UBR2: variants seen among roughly 807,000 people sequenced by gnomAD.
UBR2 encodes the protein ubiquitin protein ligase E3 component n-recognin 2.
UBR2 carries 92 observed loss-of-function variants against 247.9 expected under a neutral mutation model. The ratio of observed to expected loss-of-function variants is 0.37; its 90% CI spans 0.31 to 0.44. UBR2 has a LOEUF of 0.44. UBR2 is among the 20% of genes least tolerant of loss of function. The probability of loss-of-function intolerance (pLI) is 1.00; values close to 1 mark genes in which losing one functional copy is unlikely to be tolerated. For missense variants in UBR2, 1,613 were observed against 2,112.6 expected, an observed-to-expected ratio of 0.76 and a Z score of 4.64; for synonymous variants, 672 against 693.5, an observed-to-expected ratio of 0.97 and a Z score of 0.49.
chr6:42,631,169 G>A (rs970435403), intron 11 of UBR2, among the ~76,000 whole-genome samples: 10 of 152,162 alleles, frequency 6.6e-5, no homozygotes, highest in African/African-American at 2.4e-4. Context: ...TGCGAGGCCT[G>A]TTTAAGTTGT....
chr6:42,638,324 TG>T (rs1335702284), intron 15 of UBR2, among the ~76,000 whole-genome samples: 1 of 152,130 alleles, frequency 6.6e-6, no homozygotes, highest in East Asian at 1.9e-4. Flanking sequence ...TTAATGTACA[TG>T]GGGTCAGTAG....
At chr6:42,635,211 T>A (rs1297209564) in intron 13 of UBR2, among the ~76,000 whole-genome samples, 2 of 152,214 alleles carry the variant, frequency 1.3e-5, no homozygotes, top group African/African-American at 4.8e-5. Flanking sequence ...TTTATTGGGA[T>A]TTCTAAATTT....
intron 39 of UBR2, 147 bp downstream of exon 39, chr6:42,676,338 G>C: frequency 1.1e-6 from 1 of 872,536 alleles, no homozygotes; most frequent in South Asian, 2.9e-5. Flanking sequence ...GAAAAGTTTT[G>C]AAACATTTCT....
In UBR2 at chr6:42,659,830, C is replaced by T. The variant is rs1213550766; in HGVS notation, c.3417C>T (p.Asn1139=). The part of the protein sequence containing the change: ...FVQRSTVLSK[N]RSKFIQDPEK... Reference sequence around the variant, plus strand: ...AGAGATCAACTGTATTATCAAAAAACAGAAGTAAATTTATTCAAGATCCAG... The same window carrying T: ...AGAGATCAACTGTATTATCAAAAAATAGAAGTAAATTTATTCAAGATCCAG... Residue 1139 remains asparagine (N), a synonymous_variant, in exon 30 of 47, where the codon AAC becomes AAT. Coordinates refer to ENST00000372901, the MANE Select transcript of UBR2 (RefSeq NM_001363705.2). This position sits in a 1 kb window ranked among gnomAD's most constrained non-coding sequence, Gnocchi z 4.3. The T allele has an allele frequency of 2.5e-6, 4 of 1,614,132 alleles. No homozygotes were observed. Among genetic ancestry groups the T allele is most frequent in the Middle Eastern group, 1.7e-4 (1 of 6,060 alleles).
intron 4 of UBR2, 31 bp from the exon 5 acceptor site, chr6:42,603,556 TC>T: frequency 6.6e-7 from 1 of 1,521,294 alleles, no homozygotes; most frequent in African/African-American, 1.4e-5. Context: ...GCCCTTTTTT[TC>T]TTTTTCTTTT....
chr6:42,664,306 TAAGAA>T (rs1355329219), intron 32 of UBR2: 6 of 152,138 alleles, frequency 3.9e-5, no homozygotes, highest in Non-Finnish European at 5.9e-5. Context: ...TAAAAAAAAA[TAAGAA>T]AAGAAAATGG....
At chr6:42,660,624 C>A (rs1365887877) in intron 30 of UBR2, among the ~76,000 whole-genome samples, 3 of 152,046 alleles carry the variant, frequency 2.0e-5, no homozygotes, top group African/African-American at 7.2e-5. Context: ...TAAAGAAAGT[C>A]TTTGCATCCT....
chr6:42,637,844 C>T (rs1796199818), intron 15 of UBR2, among the ~76,000 whole-genome samples: 1 of 152,204 alleles, frequency 6.6e-6, no homozygotes, highest in African/African-American at 2.4e-5. Flanking sequence ...AGACTCATTT[C>T]AGTACAGCTT....
intron 1 of UBR2, 67 bp downstream of exon 1, chr6:42,564,464 T>C: frequency 6.5e-7 from 1 of 1,528,236 alleles, no homozygotes; most frequent in Non-Finnish European, 8.9e-7. Flanking sequence ...AGGAACCGAC[T>C]CCTGGACGTC....
chr6:42,611,407 G>A (rs1030632462), intron 7 of UBR2, among the ~76,000 whole-genome samples: 28 of 150,084 alleles, frequency 1.9e-4, no homozygotes, highest in Non-Finnish European at 8.9e-5. Flanking sequence ...GTTACAGTGA[G>A]CAGAGATTGT....
chr6:42,683,888 A>G (rs940694740), intron 43 of UBR2, among the ~76,000 whole-genome samples: 19 of 152,232 alleles, frequency 1.2e-4, no homozygotes, highest in Admixed American at 1.0e-3. Flanking sequence ...TCTGGTCCCA[A>G]GCATCTCAGA....
chr6:42,648,228 T>G (rs542915001), intron 22 of UBR2, 58 bp downstream of exon 22: 560 of 1,433,312 alleles, frequency 3.9e-4, no homozygotes, highest in Non-Finnish European at 3.5e-4. Context: ...CATTCATTTT[T>G]CTTAGAGTGT....
chr6:42,574,658 T>C (rs1454104610), intron 2 of UBR2, among the ~76,000 whole-genome samples: 2 of 151,970 alleles, frequency 1.3e-5, no homozygotes, highest in Non-Finnish European at 2.9e-5. Flanking sequence ...GAATTAATCA[T>C]TGTTAACATT....
chr6:42,629,164 C>T (rs1427772268), intron 11 of UBR2, among the ~76,000 whole-genome samples: 2 of 151,852 alleles, frequency 1.3e-5, no homozygotes, highest in African/African-American at 4.8e-5. Flanking sequence ...TTATAGGTGC[C>T]CGCCACCATG....
At chr6:42,625,043 A>T (rs1428005444) in intron 11 of UBR2, among the ~76,000 whole-genome samples, 1 of 152,198 alleles carries the variant, frequency 6.6e-6, no homozygotes, top group Admixed American at 6.5e-5. Flanking sequence ...TACACCCCAG[A>T]ATGACCAAGG....
intron 13 of UBR2, chr6:42,634,405 G>A (rs886228360): frequency 2.7e-5 from 5 of 182,750 alleles, no homozygotes; most frequent in African/African-American, 1.2e-4. Flanking sequence ...GAAAAGGAAT[G>A]ACCAAAGTTG....
In UBR2 at chr6:42,679,996, G is replaced by GT. The variant is rs1554264403; in HGVS notation, c.4718+168dup. ...CTTTTGTTGTTGTTTGTTTTGTTTT[G>GT]TTTTGTTTTTGTTTTTGTTTTTGTT... On this transcript the variant is annotated intron_variant, in intron 42 of 46. Transcript: ENST00000372901. 3.3e-5 allele frequency among the ~76,000 whole-genome samples: 5 copies of GT among 151,896 alleles called. No homozygotes were observed. In the South Asian group the frequency reaches 8.3e-4, roughly 25 times the overall value.
chr6:42,578,343 CT>C, intron 2 of UBR2, among the ~76,000 whole-genome samples: 1 of 152,218 alleles, frequency 6.6e-6, no homozygotes, highest in South Asian at 2.1e-4. Flanking sequence ...AATGCTTTGT[CT>C]CAGAAATTAT....
intron 1 of UBR2, among the ~76,000 whole-genome samples, chr6:42,565,397 G>T (rs952863645): frequency 1.3e-5 from 2 of 152,174 alleles, no homozygotes; most frequent in Non-Finnish European, 2.9e-5. Context: ...CAAAATTTGG[G>T]ATTGGGGGCA....
Sources: gnomAD v4.1 joint callset for allele counts (sites outside exome capture counted in the v4.1 genomes callset) on GRCh38, gnomAD v4.1.1 for gene constraint, Gnocchi (gnomAD v3.1) non-coding constraint, MANE v1.5 for transcripts, NCBI Gene and HGNC (gene_info 2026-07-23, HGNC 2026-07-21) for gene names.